BTBD9: variants seen among roughly 807,000 people sequenced by gnomAD.
The protein encoded by BTBD9 is BTB domain containing 9.
Under a neutral mutation model 64.3 loss-of-function variants are expected in BTBD9, and 49 were observed. The ratio of observed to expected loss-of-function variants is 0.76; its 90% CI spans 0.61 to 0.97. The LOEUF (loss-of-function observed/expected upper bound fraction) is 0.97. Among genes scored for constraint, BTBD9 ranks in the 50% least tolerant of loss-of-function variants. BTBD9 has a pLI of 0.00. For missense variants in BTBD9, 598 were observed against 762.1 expected, an observed-to-expected ratio of 0.78 and a Z score of 2.53; for synonymous variants, 260 against 274.7, an observed-to-expected ratio of 0.95 and a Z score of 0.53.
At chr6:38,605,944 C>T (rs1777417408) in intron 1 of BTBD9, among the ~76,000 whole-genome samples, 1 of 152,184 alleles carries the variant, frequency 6.6e-6, no homozygotes, top group Admixed American at 6.5e-5. Context: ...GGCAGACCTA[C>T]CCTCAATCTG....
intron 6 of BTBD9, among the ~76,000 whole-genome samples, chr6:38,424,718 T>G (rs1284429071): frequency 6.6e-6 from 1 of 151,824 alleles, no homozygotes; most frequent in African/African-American, 2.4e-5. Flanking sequence ...GGTTTCACCA[T>G]GTTGGTCAGA....
At chr6:38,381,946 TAAC>T (rs1765953002) in intron 6 of BTBD9, among the ~76,000 whole-genome samples, 1 of 152,004 alleles carries the variant, frequency 6.6e-6, no homozygotes, top group African/African-American at 2.4e-5. Flanking sequence ...TTAATGAAAA[TAAC>T]AATTACTAAA....
chr6:38,270,342 C>A (rs1053571576), intron 8 of BTBD9, among the ~76,000 whole-genome samples: 1 of 152,078 alleles, frequency 6.6e-6, no homozygotes, highest in African/African-American at 2.4e-5. Context: ...CCCCACCCCC[C>A]ACTACCCCTC....
chr6:38,549,755 T>TC (rs1774711520), intron 6 of BTBD9, among the ~76,000 whole-genome samples: 1 of 152,152 alleles, frequency 6.6e-6, no homozygotes, highest in Non-Finnish European at 1.5e-5. Context: ...ATACATGCTG[T>TC]TCCCAGTCCC....
chr6:38,631,672 C>T (rs1368715583), intron 1 of BTBD9, among the ~76,000 whole-genome samples: 2 of 152,140 alleles, frequency 1.3e-5, no homozygotes, highest in Non-Finnish European at 2.9e-5. Flanking sequence ...TGTACCATCT[C>T]GGAAGCAGAT....
chr6:38,465,179 C>A (rs1010533977), intron 6 of BTBD9, among the ~76,000 whole-genome samples: 4 of 151,920 alleles, frequency 2.6e-5, no homozygotes, highest in Non-Finnish European at 5.9e-5. Flanking sequence ...CCTGTAGTCC[C>A]AGCTACTTGG....
At chr6:38,626,134 G>A (rs1361531759) in intron 1 of BTBD9, among the ~76,000 whole-genome samples, 2 of 152,128 alleles carry the variant, frequency 1.3e-5, no homozygotes, top group Admixed American at 1.3e-4. Flanking sequence ...GTTCAACCTT[G>A]TGCTCCACAC....
chr6:38,344,721 T>C, intron 7 of BTBD9, among the ~76,000 whole-genome samples: 1 of 152,240 alleles, frequency 6.6e-6, no homozygotes. Flanking sequence ...AAACATTCCC[T>C]ACATAGCAAA....
intron 4 of BTBD9, chr6:38,587,943 CAGG>C: frequency 1.4e-6 from 1 of 726,298 alleles, no homozygotes; most frequent in Non-Finnish European, 2.6e-6. Flanking sequence ...GAAGACTGTT[CAGG>C]AACATCTGAC....
chr6:38,307,547 G>A (rs2127568478), intron 7 of BTBD9, among the ~76,000 whole-genome samples: 1 of 152,326 alleles, frequency 6.6e-6, no homozygotes, highest in Admixed American at 6.5e-5. Context: ...ACCTGTGGGT[G>A]AAGCCCATGG....
chr6:38,224,264 G>A (rs184655677), intron 9 of BTBD9, among the ~76,000 whole-genome samples: 78 of 152,242 alleles, frequency 5.1e-4, no homozygotes, highest in Admixed American at 3.8e-3. Flanking sequence ...TAAGATTTGA[G>A]TCTCATAGTC....
chr6:38,514,345 A>G (rs147171879), intron 6 of BTBD9, among the ~76,000 whole-genome samples: 87 of 152,350 alleles, frequency 5.7e-4, no homozygotes, highest in African/African-American at 2.0e-3. Flanking sequence ...CTTATTTTTT[A>G]AAGTCCCAAT....
intron 7 of BTBD9, among the ~76,000 whole-genome samples, chr6:38,339,008 C>A (rs1487704375): frequency 6.6e-6 from 1 of 152,124 alleles, no homozygotes; most frequent in Admixed American, 6.5e-5. Flanking sequence ...TCATACAATA[C>A]CAGGGAGAAT....
chr6:38,356,523 T>A (rs1038261847), intron 6 of BTBD9, among the ~76,000 whole-genome samples: 1 of 152,220 alleles, frequency 6.6e-6, no homozygotes, highest in Non-Finnish European at 1.5e-5. Flanking sequence ...ATTCTCTAAA[T>A]GCTCCTTTCT....
At chr6:38,253,514 A>C (rs1204604570) in intron 9 of BTBD9, among the ~76,000 whole-genome samples, 1 of 152,200 alleles carries the variant, frequency 6.6e-6, no homozygotes, top group Non-Finnish European at 1.5e-5. Flanking sequence ...TCAAGATCAG[A>C]TTTGGGTGGG....
chr6:38,174,764 C>G lies in BTBD9; in HGVS notation c.*221G>C, dbSNP rs1766923750. 1.8e-6 allele frequency: 1 copy of G among 561,910 alleles called. No individual in the cohort carries two copies. Among genetic ancestry groups the G allele is most frequent in the Non-Finnish European group, 3.1e-6 (1 of 321,142 alleles). The allele number at this position is 561,910 out of a possible 1,614,324, so 34.8% of individuals were successfully genotyped here. On this transcript the variant is annotated 3_prime_UTR_variant, in exon 11 of 11. Transcript: ENST00000481247. Reference sequence around the variant, plus strand: ...GATGAAGATTGAAGACCCATTTTCTCCCCCTTGAGACCTGCCTGATTTGGA... The same window carrying G: ...GATGAAGATTGAAGACCCATTTTCTGCCCCTTGAGACCTGCCTGATTTGGA...
At chr6:38,484,012 A>C (rs571149567) in intron 6 of BTBD9, among the ~76,000 whole-genome samples, 1 of 152,320 alleles carries the variant, frequency 6.6e-6, no homozygotes, top group East Asian at 1.9e-4. Flanking sequence ...GCAACAACTT[A>C]ATCTCGTTTA....
intron 6 of BTBD9, among the ~76,000 whole-genome samples, chr6:38,347,330 G>C (rs1427395814): frequency 4.6e-5 from 7 of 152,118 alleles, no homozygotes; most frequent in Non-Finnish European, 8.8e-5. Flanking sequence ...CAGATAAAAA[G>C]TTCTGTGTAA....
At chr6:38,452,657 G>C (rs1030899109) in intron 6 of BTBD9, among the ~76,000 whole-genome samples, 2 of 151,848 alleles carry the variant, frequency 1.3e-5, no homozygotes, top group African/African-American at 4.8e-5. Flanking sequence ...AGAGTAGAAA[G>C]GAATCAAAGC....
Sources: allele counts gnomAD v4.1 joint callset (sites outside exome capture counted in the v4.1 genomes callset), GRCh38; gene constraint gnomAD v4.1.1; transcripts MANE v1.5; gene names NCBI Gene and HGNC (gene_info 2026-07-23, HGNC 2026-07-21).